MAGEC1: variants seen among roughly 807,000 people sequenced by gnomAD.
MAGEC1 encodes MAGE family member C1.
In MAGEC1, 3 loss-of-function variants were observed where a neutral mutation model predicts 1.5. That is an observed-to-expected ratio of 1.97 (90% CI 0.90 to 5.10). The LOEUF (loss-of-function observed/expected upper bound fraction) is 5.10, where lower values mean the gene tolerates loss of function less well. Among genes scored for constraint, MAGEC1 ranks in the 30% most tolerant of loss-of-function variants. The pLI, the probability that MAGEC1 is intolerant of heterozygous loss-of-function variation, is 0.02. For missense variants in MAGEC1, 985 were observed against 803.1 expected, an observed-to-expected ratio of 1.23 and a Z score of -2.74; for synonymous variants, 357 against 310.4, an observed-to-expected ratio of 1.15 and a Z score of -1.58.
Position 141,907,817 on chromosome X carries a change from C to T in MAGEC1, c.2413C>T (p.Pro805Ser), listed in dbSNP as rs1247689787. The change falls in exon 4 of 4, where the codon CCT becomes TCT. Residue 805 changes from proline to serine, a missense_variant. Coordinates refer to ENST00000285879, the MANE Select transcript of MAGEC1 (RefSeq NM_005462.5). ...HESPQSPPEG[P>S]AQSPLQSPVS... ...GAGTCCTCAGAGTCCTCCTGAGGGG[C>T]CTGCCCAGTCTCCTCTCCAGAGTCC... 7.5e-6 allele frequency: 9 copies of T among 1,207,866 alleles called. No individual in the cohort carries two copies. The Admixed American group carries it at 1.1e-4, about 15-fold the overall frequency.
Position 141,908,848 on chromosome X carries a change from T to G in MAGEC1, c.*15T>G. The G allele has an allele frequency of 1.7e-6, 2 of 1,163,755 alleles. No homozygotes were observed. Among genetic ancestry groups the G allele is most frequent in the Non-Finnish European group, 1.1e-6 (1 of 871,226 alleles). On this transcript the variant is annotated 3_prime_UTR_variant, in exon 4 of 4. Transcript: ENST00000285879. ...CTTCTGAGTGAAGTCTAGGGCAGAT[T>G]CTTCCCTCTGAGTTTGAAGGGGGCA...
In MAGEC1 at chrX:141,908,706, C is replaced by A. The variant is rs1026591342; in HGVS notation, c.3302C>A (p.Ser1101Tyr). Reference protein sequence around the residue: ...LKNTVPITFPSSYKDALKDVE... With the variant: ...LKNTVPITFPYSYKDALKDVE... ...AATACCGTCCCTATTACCTTTCCAT[C>A]CTCTTACAAGGATGCTTTGAAAGAT... The change falls in exon 4 of 4, where the codon TCC becomes TAC. Residue 1101 changes from serine (S) to tyrosine (Y), a missense_variant. Coordinates refer to ENST00000285879, the MANE Select transcript of MAGEC1 (RefSeq NM_005462.5). 8.3e-7 allele frequency: 1 copy of A among 1,211,671 alleles called. No homozygotes were observed. Among genetic ancestry groups the A allele is most frequent in the Non-Finnish European group, 1.1e-6 (1 of 895,336 alleles).
chrX:141,905,991 C>T lies in MAGEC1; in HGVS notation c.587C>T (p.Ser196Phe), dbSNP rs1237360637. Reference protein sequence around the residue: ...TQSPFEGFPQSPLQIPVSRSF... With the variant: ...TQSPFEGFPQFPLQIPVSRSF... ...AGTCCTTTTGAGGGTTTTCCCCAGTCTCCACTCCAGATTCCTGTGAGCCGC... is the reference window on the plus strand; with the variant it reads ...AGTCCTTTTGAGGGTTTTCCCCAGTTTCCACTCCAGATTCCTGTGAGCCGC... Residue 196 changes from serine (S) to phenylalanine (F), a missense_variant, in exon 4 of 4, where the codon TCT becomes TTT. Physicochemically the swap from Ser to Phe is radical, Grantham distance 155. Transcript: ENST00000285879. 8.3e-7 allele frequency: 1 copy of T among 1,208,881 alleles called. No individual in the cohort carries two copies. Among genetic ancestry groups the T allele is most frequent in the Non-Finnish European group, 1.1e-6 (1 of 893,921 alleles).
rs1926986467 is a variant in MAGEC1, at chrX:141,907,657, T to G, written c.2253T>G (p.Thr751=). The G allele has an allele frequency of 8.3e-7, 1 of 1,207,315 alleles. No homozygotes were observed. Among genetic ancestry groups the G allele is most frequent in the Admixed American group, 2.2e-5 (1 of 45,616 alleles). The stretch of plus-strand genomic sequence containing the variant: ...CTGTGAGTATCTGCTCCTCCTCCAC[T>G]TCTTTGAGTCTTCCCCAGAGTTTCC... The part of the protein sequence containing the change: ...QSPVSICSSS[T]SLSLPQSFPE... The change falls in exon 4 of 4, where the codon ACT becomes ACG. Residue 751 remains threonine, a synonymous_variant. Coordinates refer to ENST00000285879, the MANE Select transcript of MAGEC1 (RefSeq NM_005462.5).
At chrX:141,905,122 A>G (rs2018169818) in intron 3 of MAGEC1, 46 bp downstream of exon 3, 1 of 1,205,310 alleles carries the variant, frequency 8.3e-7, no homozygotes. Flanking sequence ...TCTCTCCCTC[A>G]GTCCTGTGGG....
rs138322239 is a variant in MAGEC1 at position 141,908,232 on chromosome X, C to T, written c.2828C>T (p.Thr943Met). Reference sequence around the variant, plus strand: ...CTGACGAATGTCATCAGCAGGTACACGGGCTACTTTCCTGTGATCTTCAGG... The same window carrying T: ...CTGACGAATGTCATCAGCAGGTACATGGGCTACTTTCCTGTGATCTTCAGG... ...EMLTNVISRY[T>M]GYFPVIFRKA... The change falls in exon 4 of 4, where the codon ACG becomes ATG. Residue 943 changes from threonine to methionine, a missense_variant. By Grantham distance (81) the Thr-to-Met change is moderately conservative. Transcript: ENST00000285879. The T allele has an allele frequency of 5.8e-5, 70 of 1,209,569 alleles. No individual in the cohort carries two copies. In the African/African-American group the frequency reaches 6.1e-4, roughly 11 times the overall value.
chrX:141,907,278 T>C lies in MAGEC1; in HGVS notation c.1874T>C (p.Leu625Pro), dbSNP rs1926965344. The C allele has an allele frequency of 8.3e-7, 1 of 1,208,353 alleles. No homozygotes were observed. The highest frequency in any genetic ancestry group is 2.2e-5 in the Admixed American group (1 of 45,767). ...PLQGEEFQSS[L>P]QSPVSICSSS... ...CAGGGGGAGGAATTCCAGTCTTCTC[T>C]CCAGAGCCCTGTGAGCATCTGCTCC... Residue 625 changes from leucine (L) to proline (P), a missense_variant, in exon 4 of 4, where the codon CTC becomes CCC. Coordinates refer to ENST00000285879, the MANE Select transcript of MAGEC1 (RefSeq NM_005462.5).
Position 141,908,079 on chromosome X carries a change from C to G in MAGEC1, c.2675C>G (p.Thr892Arg). 2 of 1,211,941 alleles carry G rather than the reference C, an allele frequency of 1.7e-6. No individual in the cohort carries two copies. Among genetic ancestry groups the G allele is most frequent in the Non-Finnish European group, 2.2e-6 (2 of 895,566 alleles). The change falls in exon 4 of 4, where the codon ACA becomes AGA. Residue 892 changes from threonine to arginine, a missense_variant. Physicochemically the swap from Thr to Arg is moderately conservative, Grantham distance 71. Coordinates refer to ENST00000285879, the MANE Select transcript of MAGEC1 (RefSeq NM_005462.5). ...SDTLLESDSL[T>R]DSESLIESEP... ...ACCTTGCTAGAGAGTGATTCCTTGA[C>G]AGACAGCGAGTCCTTGATAGAGAGC...
chrX:141,908,955 T>C lies in MAGEC1; in HGVS notation c.*122T>C. 1 of 541,640 alleles carries C rather than the reference T, an allele frequency of 1.8e-6. No homozygotes were observed. The highest frequency in any genetic ancestry group is 2.8e-6 in the Non-Finnish European group (1 of 359,094). 44.6% of individuals were successfully genotyped at this position (541,640 alleles called of 1,213,427 possible). A position where few individuals can be genotyped will look rare whatever the true frequency, so the allele number is the denominator to read the frequency against. ...TTGCATTTCTGTTCCATATGGGTAG[T>C]TATGGGGTTTACCTGTTTTACTTTT... On this transcript the variant is annotated 3_prime_UTR_variant, in exon 4 of 4. Coordinates refer to ENST00000285879, the MANE Select transcript of MAGEC1 (RefSeq NM_005462.5).
At position 141,905,438 on chromosome X, in the gene MAGEC1, C is replaced by T. The variant is rs762581322; in HGVS notation, c.34C>T (p.Pro12Ser). 75 of 1,210,073 alleles carry T rather than the reference C, an allele frequency of 6.2e-5. No homozygotes were observed. Among genetic ancestry groups the T allele is most frequent in the Non-Finnish European group, 8.2e-5 (73 of 894,927 alleles). ...GDKDMPTAGM[P>S]SLLQSSSESP... ...CAAGGATATGCCTACTGCTGGGATG[C>T]CGAGTCTTCTCCAGAGTTCCTCTGA... is the stretch of plus-strand genomic sequence containing the variant. Residue 12 changes from proline (P) to serine (S), a missense_variant, in exon 4 of 4, where the codon CCG becomes TCG. Physicochemically the swap from Pro to Ser is moderately conservative, Grantham distance 74. Transcript: ENST00000285879.
chrX:141,904,213 G>T (rs2018162404), intron 1 of MAGEC1, among the ~76,000 whole-genome samples: 1 of 112,005 alleles, frequency 8.9e-6, no homozygotes, highest in Non-Finnish European at 1.9e-5. Flanking sequence ...GATTCCCAGA[G>T]ATTCCCACCC....
rs758088186 is a variant in MAGEC1 at position 141,906,512 on chromosome X, C to T, written c.1108C>T (p.Gln370Ter). 7.5e-6 allele frequency: 9 copies of T among 1,198,080 alleles called. No individual in the cohort carries two copies. Among genetic ancestry groups the T allele is most frequent in the African/African-American group, 3.6e-5 (2 of 56,305 alleles). Residue 370 changes from glutamine (Q) to a stop codon, truncating the protein, a stop_gained, in exon 4 of 4, where the codon CAG becomes TAG. Coordinates refer to ENST00000285879, the MANE Select transcript of MAGEC1 (RefSeq NM_005462.5). LOFTEE classifies it low-confidence loss of function (END_TRUNC). ...TCAAAGTACTTTTGAGGGTTTTCCC[C>T]AGTCTCCTCTCCAGATTCCTGGGAG... Reference protein sequence around the residue: ...SAQSTFEGFPQSPLQIPGSPS... With the variant: ...SAQSTFEGFP
At position 141,905,865 on chromosome X, in the gene MAGEC1, CTTTTGAGGGTT is replaced by C; in HGVS notation, c.464_474del (p.Phe155SerfsTer26). 2.5e-6 allele frequency: 3 copies of C among 1,199,839 alleles called. No individual in the cohort carries two copies. The highest frequency in any genetic ancestry group is 3.6e-5 in the South Asian group (2 of 55,623). On this transcript the variant is annotated frameshift_variant, in exon 4 of 4. Coordinates refer to ENST00000285879, the MANE Select transcript of MAGEC1 (RefSeq NM_005462.5). LOFTEE classifies it low-confidence loss of function (END_TRUNC). ...AGTTCCCCTGAGAGTACTCAAAGTC[CTTTTGAGGGTT>C]TTCCCCAGTCTGTTCTCCAGATTCC...
Position 141,905,979 on chromosome X carries a change from GT to G in MAGEC1, c.579del (p.Gln195SerfsTer8), listed in dbSNP as rs1256684212. 8.3e-7 allele frequency: 1 copy of G among 1,207,577 alleles called. No individual in the cohort carries two copies. Among genetic ancestry groups the G allele is most frequent in the African/African-American group, 1.7e-5 (1 of 57,685 alleles). On this transcript the variant is annotated frameshift_variant, in exon 4 of 4. Coordinates refer to ENST00000285879, the MANE Select transcript of MAGEC1 (RefSeq NM_005462.5). LOFTEE classifies it low-confidence loss of function (END_TRUNC). ...SPESTQSPFE[G>X]FPQSPLQIPV... is the part of the protein sequence containing the mutation. The stretch of plus-strand genomic sequence containing the variant: ...GAGAGTACTCAAAGTCCTTTTGAGG[GT>G]TTTCCCCAGTCTCCACTCCAGATTC...
chrX:141,905,315 A>G, intron 3 of MAGEC1, 94 bp from the exon 4 acceptor site: 1 of 910,616 alleles, frequency 1.1e-6, no homozygotes, highest in South Asian at 2.3e-5. Flanking sequence ...AGCTTCCTCC[A>G]TTTTCTCTTC....
In MAGEC1 at chrX:141,908,236, C is replaced by A; in HGVS notation, c.2832C>A (p.Gly944=). 1 of 1,211,614 alleles carries A rather than the reference C, an allele frequency of 8.3e-7. No homozygotes were observed. Among genetic ancestry groups the A allele is most frequent in the African/African-American group, 1.7e-5 (1 of 57,740 alleles). The change falls in exon 4 of 4, where the codon GGC becomes GGA. Residue 944 remains glycine (G), a synonymous_variant. Transcript: ENST00000285879. ...MLTNVISRYT[G]YFPVIFRKAR... Reference sequence around the variant, plus strand: ...CGAATGTCATCAGCAGGTACACGGGCTACTTTCCTGTGATCTTCAGGAAAG... The same window carrying A: ...CGAATGTCATCAGCAGGTACACGGGATACTTTCCTGTGATCTTCAGGAAAG...
At position 141,908,410 on chromosome X, in the gene MAGEC1, TATTCTG is replaced by T; in HGVS notation, c.3008_3013del (p.Ile1003_Leu1004del). 1.7e-6 allele frequency: 2 copies of T among 1,211,096 alleles called. No individual in the cohort carries two copies. The highest frequency in any genetic ancestry group is 2.2e-6 in the Non-Finnish European group (2 of 895,272). On this transcript the variant is annotated inframe_deletion, in exon 4 of 4. Transcript: ENST00000285879. ...TGTCCCAGAACCGCCTCCTGATTCT[TATTCTG>T]AGTATCATCTTCATAAAGGGCACCT...
Position 141,905,850 on chromosome X carries a change from AG to A in MAGEC1, c.447del (p.Ser150ValfsTer18). 8.3e-7 allele frequency: 1 copy of A among 1,203,183 alleles called. No homozygotes were observed. The stretch of plus-strand genomic sequence containing the variant: ...TTGAGTATTTTCCAGAGTTCCCCTG[AG>A]AGTACTCAAAGTCCTTTTGAGGGTT... ...ALLSIFQSSPESTQSPFEGFP... is the reference protein window; with the variant it reads ...ALLSIFQSSPXSTQSPFEGFP... On this transcript the variant is annotated frameshift_variant, in exon 4 of 4. Transcript: ENST00000285879. LOFTEE classifies it low-confidence loss of function (END_TRUNC).
intron 2 of MAGEC1, 77 bp downstream of exon 2, chrX:141,904,891 G>C (rs1053080674): frequency 6.2e-6 from 4 of 643,005 alleles, no homozygotes; most frequent in Non-Finnish European, 9.8e-6. Flanking sequence ...CCGGCCTGTA[G>C]CCACCCACTG....
Sources: allele counts gnomAD v4.1 joint callset (sites outside exome capture counted in the v4.1 genomes callset), GRCh38; gene constraint gnomAD v4.1.1; transcripts MANE v1.5; gene names NCBI Gene and HGNC (gene_info 2026-07-23, HGNC 2026-07-21).